The following GPR139 variants were observed in gnomAD, a reference collection of about 807,000 sequenced individuals.
The protein encoded by GPR139 is G protein-coupled receptor 139, also known as probable G protein-coupled receptor 139.
Under a neutral mutation model 25.8 loss-of-function variants are expected in GPR139, and 12 were observed. That is an observed-to-expected ratio of 0.47 (90% CI 0.30 to 0.75). The LOEUF (loss-of-function observed/expected upper bound fraction) is 0.75. Among genes scored for constraint, GPR139 ranks in the 30% least tolerant of loss-of-function variants. The pLI, the probability that GPR139 is intolerant of heterozygous loss-of-function variation, is 0.07. For missense variants in GPR139, 380 were observed against 450.2 expected (o/e 0.84, Z 1.41); for synonymous variants, 184 against 179.9 (o/e 1.02, Z -0.18).
intron 1 of GPR139, among the ~76,000 whole-genome samples, chr16:20,061,227 G>GGA (rs1480042865): frequency 3.7e-4 from 29 of 77,842 alleles, no homozygotes; most frequent in African/African-American, 8.9e-4. Context: ...GGATGGATGT[G>GGA]TGGATGGATG....
intron 1 of GPR139, among the ~76,000 whole-genome samples, chr16:20,040,862 C>T (rs569750343): frequency 6.6e-6 from 1 of 152,198 alleles, no homozygotes; most frequent in South Asian, 2.1e-4. Flanking sequence ...GCTCAGTCCA[C>T]AGGGGTCTTA....
At chr16:20,070,004 C>T (rs546006935) in intron 1 of GPR139, among the ~76,000 whole-genome samples, 64 of 152,200 alleles carry the variant, frequency 4.2e-4, no homozygotes, top group African/African-American at 1.5e-3. Context: ...GGTGGGACAC[C>T]GATTTTCTCC....
At chr16:20,072,187 T>C (rs2057461940) in intron 1 of GPR139, among the ~76,000 whole-genome samples, 1 of 151,970 alleles carries the variant, frequency 6.6e-6, no homozygotes, top group Non-Finnish European at 1.5e-5. Context: ...GCCGTGGCGA[T>C]TAGTTAGGAA....
chr16:20,069,417 A>G (rs1379075887), intron 1 of GPR139, among the ~76,000 whole-genome samples: 1 of 152,216 alleles, frequency 6.6e-6, no homozygotes, highest in Non-Finnish European at 1.5e-5. Context: ...CAAGGTAAAG[A>G]AAACATATCT....
intron 1 of GPR139, among the ~76,000 whole-genome samples, chr16:20,041,857 G>T (rs2057337811): frequency 6.6e-6 from 1 of 152,200 alleles, no homozygotes; most frequent in South Asian, 2.1e-4. Flanking sequence ...TTGTAGACTA[G>T]CCAGGTGGAG....
At chr16:20,060,453 GTGTC>G (rs1247168454) in intron 1 of GPR139, among the ~76,000 whole-genome samples, 2 of 152,024 alleles carry the variant, frequency 1.3e-5, no homozygotes, top group African/African-American at 4.8e-5. Context: ...CTGCATCTGT[GTGTC>G]TGTGTATGCA....
Position 20,061,227 on chromosome 16 carries a change from GTGGATGGA to G in GPR139, c.127+12255_127+12262del, listed in dbSNP as rs57097613. ...GATGGATGGATGGATGGATGGATGT[GTGGATGGA>G]TGGATGGATGGATGGATGGATGGAT... On this transcript the variant is annotated intron_variant, in intron 1 of 1. Coordinates refer to ENST00000570682, the MANE Select transcript of GPR139 (RefSeq NM_001002911.4). Among the ~76,000 whole-genome samples the G allele has an allele frequency of 4.7e-3, 369 of 77,828 alleles. 4 individuals are homozygous for G. The highest frequency in any genetic ancestry group is 9.0e-3 in the African/African-American group (255 of 28,236). The allele number at this position is 77,828 out of a possible 152,430, so 51.1% of individuals were successfully genotyped here. A position where few individuals can be genotyped will look rare whatever the true frequency, so the allele number is the denominator to read the frequency against.
At chr16:20,034,299 TATA>T (rs1418031006) in intron 1 of GPR139, among the ~76,000 whole-genome samples, 2 of 152,182 alleles carry the variant, frequency 1.3e-5, no homozygotes, top group Non-Finnish European at 2.9e-5. Context: ...TAAAAATTCT[TATA>T]ATAAACACAC....
At chr16:20,045,159 T>C (rs1206121523) in intron 1 of GPR139, among the ~76,000 whole-genome samples, 1 of 151,626 alleles carries the variant, frequency 6.6e-6, no homozygotes, top group East Asian at 1.9e-4. Flanking sequence ...GCCACCACGC[T>C]CAGCTAATTT....
Position 20,032,227 on chromosome 16 carries a change from G to T in GPR139, c.570C>A (p.Thr190=), listed in dbSNP as rs745648832. 1 of 1,614,190 alleles carries T rather than the reference G, an allele frequency of 6.2e-7. No individual in the cohort carries two copies. The highest frequency in any genetic ancestry group is 1.1e-5 in the South Asian group (1 of 91,074). ...AGATGGAGCAGGGCACCAGGTAGAC[G>T]GTGAAGCAGTGGATCCAGATGAGGA... The part of the protein sequence containing the change: ...HHVLIWIHCF[T]VYLVPCSIFF... The change falls in exon 2 of 2, where the codon ACC becomes ACA. Residue 190 remains threonine (T), a synonymous_variant. Transcript: ENST00000570682.
At chr16:20,050,463 TG>T (rs1467675341) in intron 1 of GPR139, among the ~76,000 whole-genome samples, 3 of 152,204 alleles carry the variant, frequency 2.0e-5, no homozygotes, top group Non-Finnish European at 4.4e-5. Flanking sequence ...ATTTATAAAC[TG>T]GAGTATTTCA....
chr16:20,050,691 C>T (rs913355588), intron 1 of GPR139, among the ~76,000 whole-genome samples: 6 of 152,160 alleles, frequency 3.9e-5, no homozygotes, highest in Non-Finnish European at 8.8e-5. Flanking sequence ...CTTTGCAGCC[C>T]TATTTGAGTT....
At chr16:20,043,180 T>C (rs1339808928) in intron 1 of GPR139, among the ~76,000 whole-genome samples, 2 of 152,342 alleles carry the variant, frequency 1.3e-5, no homozygotes, top group South Asian at 2.1e-4. Context: ...GCAGCCGGGC[T>C]GCAGGGCTGG....
rs1404403441 is a variant in GPR139, at chr16:20,029,037, G to A, written c.*2698C>T. On this transcript the variant is annotated 3_prime_UTR_variant, in exon 2 of 2. Transcript: ENST00000570682. The stretch of plus-strand genomic sequence containing the variant: ...CTATAAATAATAATAAAAGTCCTTA[G>A]ATAGTTTGAAATAAATTTTAAGAGA... Among the ~76,000 whole-genome samples the A allele has an allele frequency of 1.3e-5, 2 of 152,142 alleles. No individual in the cohort carries two copies. Among genetic ancestry groups the A allele is most frequent in the Non-Finnish European group, 2.9e-5 (2 of 68,034 alleles).
chr16:20,032,690 G>C (rs376850855), intron 1 of GPR139, 21 bp from the exon 2 acceptor site: 1 of 1,571,884 alleles, frequency 6.4e-7, no homozygotes, highest in Non-Finnish European at 8.7e-7. Flanking sequence ...AAGAAAAACT[G>C]GTTTAGCTCT....
chr16:20,068,865 T>A (rs535197941), intron 1 of GPR139, among the ~76,000 whole-genome samples: 1 of 151,778 alleles, frequency 6.6e-6, no homozygotes, highest in South Asian at 2.1e-4. Flanking sequence ...TCTATTGAGA[T>A]GGATCACATG....
rs903900191 is a variant in GPR139 at position 20,029,989 on chromosome 16, C to A, written c.*1746G>T. Reference sequence around the variant, plus strand: ...TAACTTTGGCTCTGTAAGGTTTTATCTTTTGCACTGACTTTAGAATCTAAT... The same window carrying A: ...TAACTTTGGCTCTGTAAGGTTTTATATTTTGCACTGACTTTAGAATCTAAT... On this transcript the variant is annotated 3_prime_UTR_variant, in exon 2 of 2. Coordinates refer to ENST00000570682, the MANE Select transcript of GPR139 (RefSeq NM_001002911.4). 6.6e-6 allele frequency among the ~76,000 whole-genome samples: 1 copy of A among 152,122 alleles called. No individual in the cohort carries two copies. The highest frequency in any genetic ancestry group is 1.5e-5 in the Non-Finnish European group (1 of 68,018).
At position 20,073,840 on chromosome 16, in the gene GPR139, TGCGGGGCGCGCTGC is replaced by T; in HGVS notation, c.-238_-225del. 5.7e-6 allele frequency: 3 copies of T among 522,330 alleles called. No homozygotes were observed. The South Asian group carries it at 1.0e-4, about 17-fold the overall frequency. 32.4% of individuals were successfully genotyped at this position (522,330 alleles called of 1,614,324 possible). A position where few individuals can be genotyped will look rare whatever the true frequency, so the allele number is the denominator to read the frequency against. ...CTCCCGCAGGGCGCGGGGCGCAGGGTGCGGGGCGCGCTGCGCGGGGCCTCGGGAGGGGCTCCCGG... is the reference window on the plus strand; with the variant it reads ...CTCCCGCAGGGCGCGGGGCGCAGGGTGCGGGGCCTCGGGAGGGGCTCCCGG... On this transcript the variant is annotated 5_prime_UTR_variant, in exon 1 of 2. Coordinates refer to ENST00000570682, the MANE Select transcript of GPR139 (RefSeq NM_001002911.4). This position sits in a 1 kb window ranked among gnomAD's most constrained non-coding sequence, Gnocchi z 4.7.
chr16:20,040,531 G>A (rs1006921071), intron 1 of GPR139, among the ~76,000 whole-genome samples: 2 of 152,110 alleles, frequency 1.3e-5, no homozygotes, highest in Admixed American at 6.5e-5. Context: ...ATTGCTGGAC[G>A]TTACTTATTA....
Sources: gnomAD v4.1 joint callset for allele counts (sites outside exome capture counted in the v4.1 genomes callset) on GRCh38, gnomAD v4.1.1 for gene constraint, Gnocchi (gnomAD v3.1) non-coding constraint, MANE v1.5 for transcripts, NCBI Gene and HGNC (gene_info 2026-07-23, HGNC 2026-07-21) for gene names.